Variants in GPC5 observed in about 807,000 individuals in gnomAD.
GPC5 encodes the protein glypican-5.
In GPC5, 47 loss-of-function variants were observed where a neutral mutation model predicts 53.9. That is an observed-to-expected ratio of 0.87 (90% CI 0.69 to 1.11). The LOEUF is 1.11. Ranked by LOEUF, GPC5 falls within the 50% of genes most tolerant of loss-of-function variation. GPC5 has a pLI of 0.00. For synonymous variants in GPC5, 286 were observed against 263.3 expected (o/e 1.09, Z -0.84); for missense variants, 748 against 713.1 (o/e 1.05, Z -0.56).
At chr13:91,725,544 A>G (rs2036558843) in intron 3 of GPC5, among the ~76,000 whole-genome samples, 1 of 152,128 alleles carries the variant, frequency 6.6e-6, no homozygotes, top group Non-Finnish European at 1.5e-5. Context: ...GGGCTTTGAA[A>G]TTTACTTGCA....
At chr13:91,669,287 GAGAAC>G (rs1263463867) in intron 2 of GPC5, among the ~76,000 whole-genome samples, 1 of 152,206 alleles carries the variant, frequency 6.6e-6, no homozygotes, top group African/African-American at 2.4e-5. Flanking sequence ...GATTGTTTCA[GAGAAC>G]AATGGTACAA....
intron 5 of GPC5, among the ~76,000 whole-genome samples, chr13:91,890,784 C>T (rs2039376420): frequency 6.6e-6 from 1 of 152,128 alleles, no homozygotes. Flanking sequence ...TAGTCTTAAA[C>T]TAATTGATAA....
chr13:92,382,783 G>C (rs1466304273), intron 7 of GPC5, among the ~76,000 whole-genome samples: 15 of 152,054 alleles, frequency 9.9e-5, no homozygotes, highest in Admixed American at 9.8e-4. Flanking sequence ...GGCCGAGGCA[G>C]GCGGATCACG....
At chr13:92,160,260 C>T (rs1023226848) in intron 7 of GPC5, among the ~76,000 whole-genome samples, 3 of 152,088 alleles carry the variant, frequency 2.0e-5, no homozygotes, top group Non-Finnish European at 2.9e-5. Context: ...ATACCAATTC[C>T]GATATTAAAT....
intron 7 of GPC5, among the ~76,000 whole-genome samples, chr13:92,425,693 T>C (rs1224968893): frequency 6.6e-6 from 1 of 152,134 alleles, no homozygotes; most frequent in Non-Finnish European, 1.5e-5. Context: ...TATGCCTTTA[T>C]TATTTTTTAA....
At chr13:92,512,201 A>G (rs753259469) in intron 7 of GPC5, among the ~76,000 whole-genome samples, 1 of 151,636 alleles carries the variant, frequency 6.6e-6, no homozygotes, top group African/African-American at 2.4e-5. Flanking sequence ...TTAATGATTG[A>G]TCCTAGTAAT....
At chr13:91,478,810 TATATATATATATACAC>T (rs1883100431) in intron 2 of GPC5, among the ~76,000 whole-genome samples, 1 of 118,538 alleles carries the variant, frequency 8.4e-6, no homozygotes, top group African/African-American at 3.5e-5. Flanking sequence ...TATATATATA[TATATATATATATACAC>T]ACACACACAT....
chr13:91,982,125 A>T (rs2040365495), intron 6 of GPC5, among the ~76,000 whole-genome samples: 1 of 152,218 alleles, frequency 6.6e-6, no homozygotes, highest in African/African-American at 2.4e-5. Flanking sequence ...AAGCAATCAC[A>T]CTGGCAGCGA....
intron 2 of GPC5, among the ~76,000 whole-genome samples, chr13:91,457,467 A>G (rs1881642853): frequency 6.6e-6 from 1 of 152,108 alleles, no homozygotes; most frequent in East Asian, 1.9e-4. Context: ...CATGGTTATT[A>G]TGTGGCATAT....
chr13:92,361,525 C>T (rs192173822), intron 7 of GPC5, among the ~76,000 whole-genome samples: 32 of 151,730 alleles, frequency 2.1e-4, no homozygotes, highest in African/African-American at 5.4e-4. Context: ...ATGAGTTGAG[C>T]GGGTAAGAAA....
At chr13:92,536,166 G>A (rs1031067951) in intron 7 of GPC5, among the ~76,000 whole-genome samples, 5 of 151,854 alleles carry the variant, frequency 3.3e-5, no homozygotes, top group African/African-American at 7.3e-5. Context: ...ACCAATATGC[G>A]GTATTATTCT....
chr13:91,654,387 C>T (rs543747394), intron 2 of GPC5, among the ~76,000 whole-genome samples: 45 of 151,930 alleles, frequency 3.0e-4, no homozygotes, highest in Middle Eastern at 3.4e-3. Context: ...ATAATGGATT[C>T]GGTAAGTAAA....
chr13:92,015,275 C>G (rs1026467873), intron 6 of GPC5, among the ~76,000 whole-genome samples: 2 of 152,136 alleles, frequency 1.3e-5, no homozygotes, highest in Admixed American at 6.6e-5. Context: ...ATTTAGAAAC[C>G]CTGTCTTAGA....
At chr13:91,560,583 G>A in intron 2 of GPC5, among the ~76,000 whole-genome samples, 1 of 152,028 alleles carries the variant, frequency 6.6e-6, no homozygotes, top group Admixed American at 6.6e-5. Flanking sequence ...TAGATAGGTA[G>A]CCCACTGGAG....
intron 7 of GPC5, among the ~76,000 whole-genome samples, chr13:92,573,346 A>G (rs1412017375): frequency 3.3e-5 from 5 of 152,238 alleles, no homozygotes; most frequent in Non-Finnish European, 7.3e-5. Context: ...GCTGTTAGCT[A>G]TTATGTTAGT....
At chr13:92,203,889 G>T (rs1036647912) in intron 7 of GPC5, among the ~76,000 whole-genome samples, 2 of 151,026 alleles carry the variant, frequency 1.3e-5, no homozygotes, top group Non-Finnish European at 3.0e-5. Context: ...ATAGAAGCAG[G>T]CCAGAAATAA....
chr13:92,397,898 T>C (rs1247702190), intron 7 of GPC5, among the ~76,000 whole-genome samples: 1 of 152,168 alleles, frequency 6.6e-6, no homozygotes. Context: ...GGTACCATAA[T>C]AGGTACTTGA....
intron 6 of GPC5, among the ~76,000 whole-genome samples, chr13:92,012,298 AC>A (rs1344456560): frequency 5.3e-5 from 8 of 152,300 alleles, no homozygotes; most frequent in African/African-American, 1.9e-4. Flanking sequence ...TGCTATAAAT[AC>A]ATAGGAACTT....
intron 6 of GPC5, among the ~76,000 whole-genome samples, chr13:92,047,395 A>C (rs933967913): frequency 3.3e-5 from 5 of 151,196 alleles, no homozygotes; most frequent in African/African-American, 4.8e-5. Flanking sequence ...TCCTCCATCA[A>C]ATTTTTTCTC....
Sources: gnomAD v4.1 joint callset for allele counts (sites outside exome capture counted in the v4.1 genomes callset) on GRCh38, gnomAD v4.1.1 for gene constraint, MANE v1.5 for transcripts, NCBI Gene and HGNC (gene_info 2026-07-23, HGNC 2026-07-21) for gene names.